MYO1D: variants seen among roughly 807,000 people sequenced by gnomAD.
MYO1D encodes unconventional myosin-Id.
Under a neutral mutation model 122.0 loss-of-function variants are expected in MYO1D, and 83 were observed. That is an observed-to-expected ratio of 0.68 (90% CI 0.57 to 0.82). The LOEUF (loss-of-function observed/expected upper bound fraction) is 0.82, where lower values mean the gene tolerates loss of function less well. Ranked by LOEUF, MYO1D falls within the 40% of genes least tolerant of loss-of-function variation. MYO1D has a pLI of 0.00. For missense variants in MYO1D, 1,157 were observed against 1,269.5 expected (o/e 0.91, Z 1.35); for synonymous variants, 464 against 446.9 (o/e 1.04, Z -0.48).
chr17:32,595,290 A>G (rs927216933), intron 21 of MYO1D, among the ~76,000 whole-genome samples: 2 of 152,188 alleles, frequency 1.3e-5, no homozygotes, highest in Non-Finnish European at 2.9e-5. Context: ...ACAATTAACA[A>G]TTTATTGCAT....
intron 6 of MYO1D, among the ~76,000 whole-genome samples, chr17:32,768,267 T>C (rs1185591158): frequency 6.6e-6 from 1 of 152,238 alleles, no homozygotes; most frequent in Non-Finnish European, 1.5e-5. Context: ...CTCAGTCATT[T>C]AGTAAGCTAT....
chr17:32,674,840 A>G (rs1194624510), intron 16 of MYO1D, among the ~76,000 whole-genome samples: 2 of 152,194 alleles, frequency 1.3e-5, no homozygotes, highest in East Asian at 3.9e-4. Flanking sequence ...AGTGCTCACT[A>G]TAACAGAGAT....
intron 16 of MYO1D, among the ~76,000 whole-genome samples, chr17:32,676,199 C>T (rs1490914320): frequency 1.3e-5 from 2 of 152,108 alleles, no homozygotes; most frequent in Non-Finnish European, 2.9e-5. Context: ...CATTAAAGCC[C>T]TCATTTCCAA....
chr17:32,531,523 G>A (rs115130296), intron 21 of MYO1D: 245 of 152,288 alleles, frequency 1.6e-3, no homozygotes, highest in African/African-American at 5.7e-3. Flanking sequence ...AGCTTACTCT[G>A]CAATACCAAA....
At chr17:32,817,378 A>G (rs1244779519) in intron 1 of MYO1D, among the ~76,000 whole-genome samples, 1 of 152,234 alleles carries the variant, frequency 6.6e-6, no homozygotes, top group Non-Finnish European at 1.5e-5. Context: ...TTAGCAACAA[A>G]AAACTTGGAA....
intron 14 of MYO1D, among the ~76,000 whole-genome samples, chr17:32,723,627 TC>T (rs577578528): frequency 2.0e-5 from 3 of 152,232 alleles, no homozygotes; most frequent in East Asian, 3.9e-4. Context: ...AAGTCCATCC[TC>T]GAGAGGGTCT....
chr17:32,858,456 G>T (rs1290339796), intron 1 of MYO1D, among the ~76,000 whole-genome samples: 1 of 152,126 alleles, frequency 6.6e-6, no homozygotes, highest in African/African-American at 2.4e-5. Flanking sequence ...GTCTTTCTTG[G>T]AATTTAACAT....
intron 1 of MYO1D, among the ~76,000 whole-genome samples, chr17:32,805,997 G>T (rs183815923): frequency 6.6e-6 from 1 of 152,180 alleles, no homozygotes; most frequent in Non-Finnish European, 1.5e-5. Flanking sequence ...AGTGGCTCAC[G>T]CCTGTAATCC....
chr17:32,790,890 A>G (rs887347445), intron 1 of MYO1D, among the ~76,000 whole-genome samples: 5 of 152,332 alleles, frequency 3.3e-5, no homozygotes, highest in African/African-American at 1.2e-4. Flanking sequence ...TTTCTTAACT[A>G]AAAGGACTCA....
At chr17:32,525,740 G>A (rs1054074914) in intron 21 of MYO1D, among the ~76,000 whole-genome samples, 1 of 152,114 alleles carries the variant, frequency 6.6e-6, no homozygotes, top group African/African-American at 2.4e-5. Context: ...GCCCATCCTG[G>A]AGTCTCAGAT....
intron 1 of MYO1D, among the ~76,000 whole-genome samples, chr17:32,784,062 G>A (rs975054609): frequency 6.6e-6 from 1 of 152,182 alleles, no homozygotes. Flanking sequence ...ATAAAAGCAT[G>A]TACTGTAGTG....
intron 19 of MYO1D, among the ~76,000 whole-genome samples, chr17:32,652,263 T>C (rs2088402358): frequency 6.6e-6 from 1 of 152,210 alleles, no homozygotes; most frequent in Admixed American, 6.5e-5. Flanking sequence ...TCTTACATCC[T>C]TATAAACATT....
chr17:32,560,236 CAG>C (rs368719150), intron 21 of MYO1D, among the ~76,000 whole-genome samples: 1 of 151,950 alleles, frequency 6.6e-6, no homozygotes, highest in African/African-American at 2.4e-5. Context: ...GCCTGGGCGA[CAG>C]AATGAGACTC....
chr17:32,599,636 C>T (rs1184085432), intron 21 of MYO1D, among the ~76,000 whole-genome samples: 1 of 152,000 alleles, frequency 6.6e-6, no homozygotes, highest in African/African-American at 2.4e-5. Context: ...CAGCTGTGGC[C>T]TTATGAAATG....
At chr17:32,873,523 A>T (rs1387552321) in intron 1 of MYO1D, among the ~76,000 whole-genome samples, 1 of 152,188 alleles carries the variant, frequency 6.6e-6, no homozygotes, top group African/African-American at 2.4e-5. Flanking sequence ...AACCACCAAT[A>T]TTCCAGGAGA....
At chr17:32,552,897 C>T (rs527374774) in intron 21 of MYO1D, among the ~76,000 whole-genome samples, 2 of 152,158 alleles carry the variant, frequency 1.3e-5, no homozygotes, top group South Asian at 2.1e-4. Context: ...TTTAGAATGA[C>T]AGCATGAAAA....
At chr17:32,650,710 T>C (rs1364748483) in intron 19 of MYO1D, among the ~76,000 whole-genome samples, 2 of 152,194 alleles carry the variant, frequency 1.3e-5, no homozygotes, top group East Asian at 1.9e-4. Flanking sequence ...CTCCCAGAAA[T>C]TGTATTTTTC....
intron 21 of MYO1D, among the ~76,000 whole-genome samples, chr17:32,560,039 G>C (rs781131393): frequency 6.6e-6 from 1 of 152,074 alleles, no homozygotes; most frequent in African/African-American, 2.4e-5. Flanking sequence ...GGCAGATCAC[G>C]AGGTCAGGAG....
intron 16 of MYO1D, among the ~76,000 whole-genome samples, chr17:32,681,377 T>C (rs534160661): frequency 4.5e-4 from 63 of 141,024 alleles, no homozygotes; most frequent in Middle Eastern, 7.0e-3. Flanking sequence ...CTGCTTTCTC[T>C]TGTGGGCATT....
Sources: allele counts gnomAD v4.1 joint callset (sites outside exome capture counted in the v4.1 genomes callset), GRCh38; gene constraint gnomAD v4.1.1; transcripts MANE v1.5; gene names NCBI Gene and HGNC (gene_info 2026-07-23, HGNC 2026-07-21).